The following RBM27 variants were observed in gnomAD, a reference collection of about 807,000 sequenced individuals.
The protein encoded by RBM27 is RNA binding motif protein 27, also known as RNA-binding protein 27.
A neutral mutation model predicts 135.3 loss-of-function variants in RBM27; 22 were observed. That is an observed-to-expected ratio of 0.16 (90% CI 0.12 to 0.23). RBM27 has a LOEUF of 0.23. Ranked by LOEUF, RBM27 falls within the 10% of genes least tolerant of loss-of-function variation. The pLI is 1.00. For synonymous variants in RBM27, 481 were observed against 442.4 expected (o/e 1.09, Z -1.10); for missense variants, 1,009 against 1,281.0 (o/e 0.79, Z 3.24).
At chr5:146,213,303 T>C (rs968950982) in intron 1 of RBM27, among the ~76,000 whole-genome samples, 26 of 152,116 alleles carry the variant, frequency 1.7e-4, no homozygotes, top group Non-Finnish European at 2.9e-4. Context: ...GGTTTCTCCA[T>C]GTTGGTCAGG....
intron 7 of RBM27, 42 bp downstream of exon 7, chr5:146,233,785 A>C: frequency 7.6e-7 from 1 of 1,316,248 alleles, no homozygotes; most frequent in Non-Finnish European, 9.9e-7. Context: ...CGTTCTGTTT[A>C]GAAGAACCTC....
chr5:146,282,483 ATAT>A (rs1759405546), intron 19 of RBM27, among the ~76,000 whole-genome samples: 1 of 152,214 alleles, frequency 6.6e-6, no homozygotes, highest in Non-Finnish European at 1.5e-5. Context: ...TGGATCAAAA[ATAT>A]TGGGAAAAAA....
intron 8 of RBM27, among the ~76,000 whole-genome samples, chr5:146,245,662 A>G (rs889387030): frequency 1.1e-4 from 16 of 152,300 alleles, no homozygotes; most frequent in Admixed American, 7.2e-4. Flanking sequence ...GTCAGTGTCT[A>G]TTAGAGTCCT....
chr5:146,232,264 G>A (rs1213549012), intron 6 of RBM27, among the ~76,000 whole-genome samples: 2 of 152,042 alleles, frequency 1.3e-5, no homozygotes, highest in Non-Finnish European at 2.9e-5. Context: ...TTATTTTAAA[G>A]TAGGGAATAG....
chr5:146,232,931 A>G (rs1757000221), intron 6 of RBM27, among the ~76,000 whole-genome samples: 1 of 152,082 alleles, frequency 6.6e-6, no homozygotes, highest in African/African-American at 2.4e-5. Flanking sequence ...TATGTTTGGG[A>G]TGTTTCTATT....
intron 2 of RBM27, among the ~76,000 whole-genome samples, chr5:146,220,474 CAAAAA>C (rs55722840): frequency 8.7e-6 from 1 of 115,376 alleles, no homozygotes. Flanking sequence ...GAGTCCATCT[CAAAAA>C]AAAAAAAAAA....
chr5:146,230,439 A>G (rs1756878022), intron 5 of RBM27, among the ~76,000 whole-genome samples: 1 of 152,150 alleles, frequency 6.6e-6, no homozygotes, highest in Non-Finnish European at 1.5e-5. Flanking sequence ...TGTTGATACT[A>G]TAAAAGATGA....
At chr5:146,246,836 C>T (rs773277974) in intron 8 of RBM27, among the ~76,000 whole-genome samples, 8 of 151,332 alleles carry the variant, frequency 5.3e-5, no homozygotes, top group Non-Finnish European at 1.2e-4. Flanking sequence ...CCATAACCTA[C>T]TCCTGACTTG....
Position 146,218,989 on chromosome 5 carries a change from G to A in RBM27, c.64G>A (p.Asp22Asn). 1 of 1,593,446 alleles carries A rather than the reference G, an allele frequency of 6.3e-7. No homozygotes were observed. Among genetic ancestry groups the A allele is most frequent in the Non-Finnish European group, 8.5e-7 (1 of 1,171,378 alleles). Reference sequence around the variant, plus strand: ...GTTTTCTCTTTGTCTAACTAGATGTGATGCTGATCCTTCAGCCTTAGCCAA... The same window carrying A: ...GTTTTCTCTTTGTCTAACTAGATGTAATGCTGATCCTTCAGCCTTAGCCAA... ...WLAKLLEPIC[D>N]ADPSALANYV... Residue 22 changes from aspartate (D) to asparagine (N), a missense_variant, in exon 2 of 21, where the codon GAT becomes AAT. Around this residue, in one of 6 missense-constraint regions of RBM27, gnomAD observed 268 missense variants for 326.6 expected, o/e 0.82. Transcript: ENST00000265271.
intron 6 of RBM27, among the ~76,000 whole-genome samples, chr5:146,232,128 A>T (rs904826755): frequency 6.6e-6 from 1 of 152,134 alleles, no homozygotes; most frequent in Non-Finnish European, 1.5e-5. Context: ...ATAGGCACCA[A>T]CCCATGGGGA....
chr5:146,262,890 CTTTT>C (rs1156565843), intron 13 of RBM27, among the ~76,000 whole-genome samples: 1 of 140,508 alleles, frequency 7.1e-6, no homozygotes, highest in Non-Finnish European at 1.6e-5. Flanking sequence ...TTCTTTTTTC[CTTTT>C]TTTTTTTTTT....
rs1008396599 is a variant in RBM27 at position 146,251,904 on chromosome 5, C to T, written c.1444+29C>T. On this transcript the variant is annotated intron_variant, in intron 9 of 20. Transcript: ENST00000265271. ...AGCTTTGCTACAGATGGCCATCCACCTCACTGATCTTTTTTACCTCAAGCT... is the reference window on the plus strand; with the variant it reads ...AGCTTTGCTACAGATGGCCATCCACTTCACTGATCTTTTTTACCTCAAGCT... The T allele has an allele frequency of 8.7e-6, 14 of 1,604,688 alleles. No homozygotes were observed. The Admixed American group carries it at 1.3e-4, about 15-fold the overall frequency.
At chr5:146,242,129 T>C (rs1426542092) in intron 8 of RBM27, among the ~76,000 whole-genome samples, 1 of 152,094 alleles carries the variant, frequency 6.6e-6, no homozygotes, top group African/African-American at 2.4e-5. Context: ...ATCTTTTGTA[T>C]GTAGAGGCAG....
At position 146,211,464 on chromosome 5, in the gene RBM27, C is replaced by CTTTTTTTTTTTTTT. The variant is rs57117642; in HGVS notation, c.60-7504_60-7491dup. Among the ~76,000 whole-genome samples the CTTTTTTTTTTTTTT allele has an allele frequency of 7.4e-4, 37 of 49,934 alleles. 1 individual carries two copies. The highest frequency in any genetic ancestry group is 1.3e-3 in the East Asian group (2 of 1,582). 32.8% of individuals were successfully genotyped at this position (49,934 alleles called of 152,430 possible). A position where few individuals can be genotyped will look rare whatever the true frequency, so the allele number is the denominator to read the frequency against. On this transcript the variant is annotated intron_variant, in intron 1 of 20. Transcript: ENST00000265271. The stretch of plus-strand genomic sequence containing the variant: ...CTTACTTTGTCCAGTATGGTCTTAT[C>CTTTTTTTTTTTTTT]TTTTTTTTTTTTTTTTTTTTTTTTT...
rs1223874278 is a variant in RBM27 at position 146,211,262 on chromosome 5, A to T, written c.59+7438A>T. 2.6e-5 allele frequency among the ~76,000 whole-genome samples: 4 copies of T among 152,268 alleles called. No individual in the cohort carries two copies. In the East Asian group the frequency reaches 7.7e-4, roughly 29 times the overall value. ...GCCACTGTACTCCAGCCTGGGCAAC[A>T]GAATGAGACCCTGTCTCAAAAAATA... On this transcript the variant is annotated intron_variant, in intron 1 of 20. Transcript: ENST00000265271.
At chr5:146,234,971 G>A (rs774410384) in intron 7 of RBM27, among the ~76,000 whole-genome samples, 45 of 151,658 alleles carry the variant, frequency 3.0e-4, no homozygotes, top group Non-Finnish European at 5.6e-4. Context: ...GAGACAGGTT[G>A]CAGTGAGCCA....
chr5:146,233,104 C>T (rs1166190724), intron 6 of RBM27, among the ~76,000 whole-genome samples: 1 of 152,056 alleles, frequency 6.6e-6, no homozygotes, highest in Non-Finnish European at 1.5e-5. Context: ...CCTTATTCTC[C>T]CCTACCCCAC....
intron 14 of RBM27, among the ~76,000 whole-genome samples, chr5:146,266,106 C>G (rs931571160): frequency 1.3e-5 from 2 of 152,072 alleles, no homozygotes; most frequent in African/African-American, 4.8e-5. Flanking sequence ...GCAGATGAGC[C>G]TAGAATATGG....
intron 6 of RBM27, among the ~76,000 whole-genome samples, chr5:146,231,641 A>G (rs1286350717): frequency 6.6e-6 from 1 of 151,620 alleles, no homozygotes; most frequent in Non-Finnish European, 1.5e-5. Context: ...ATTTTTGGAG[A>G]CGGACTTGCT....
Sources: gnomAD v4.1 joint callset for allele counts (sites outside exome capture counted in the v4.1 genomes callset) on GRCh38, gnomAD v4.1.1 for gene constraint, gnomAD v4.1.1 regional missense constraint, MANE v1.5 for transcripts, NCBI Gene and HGNC (gene_info 2026-07-23, HGNC 2026-07-21) for gene names.